Variants in COX10 observed in about 807,000 individuals in gnomAD.
COX10 encodes the protein protoheme IX farnesyltransferase, mitochondrial.
A neutral mutation model predicts 37.3 loss-of-function variants in COX10; 27 were observed. That is an observed-to-expected ratio of 0.72 (90% confidence interval 0.53 to 1.00). The LOEUF is 1.00. Ranked by LOEUF, COX10 falls within the 50% of genes least tolerant of loss-of-function variation. The probability of loss-of-function intolerance (pLI) is 0.00; values close to 1 mark genes in which losing one functional copy is unlikely to be tolerated. For synonymous variants in COX10, 222 were observed against 229.1 expected (o/e 0.97, Z 0.28); for missense variants, 475 against 563.2 (o/e 0.84, Z 1.59).
intron 2 of COX10, 85 bp downstream of exon 2, chr17:14,074,541 G>T: frequency 1.5e-6 from 2 of 1,306,528 alleles, no homozygotes; most frequent in Non-Finnish European, 2.2e-6. Context: ...TTTAATTAAA[G>T]TTTTAAGAAA....
intron 4 of COX10, among the ~76,000 whole-genome samples, chr17:14,138,175 C>T (rs1260081619): frequency 3.3e-5 from 5 of 152,168 alleles, no homozygotes; most frequent in Non-Finnish European, 5.9e-5. Context: ...ATAATACACA[C>T]ATGCACAAAT....
At chr17:14,160,041 A>C in intron 5 of COX10, 94 bp downstream of exon 5, 1 of 1,130,642 alleles carries the variant, frequency 8.8e-7, no homozygotes, top group Non-Finnish European at 1.3e-6. Context: ...TGAGCTGCGA[A>C]GTGGAAATAA....
At chr17:14,105,346 C>T (rs913527649) in intron 4 of COX10, among the ~76,000 whole-genome samples, 1 of 152,136 alleles carries the variant, frequency 6.6e-6, no homozygotes, top group African/African-American at 2.4e-5. Flanking sequence ...CTGCACAGAT[C>T]TCTAATTATT....
intron 4 of COX10, among the ~76,000 whole-genome samples, chr17:14,112,308 T>C (rs1294692336): frequency 1.3e-5 from 2 of 152,182 alleles, no homozygotes; most frequent in Non-Finnish European, 2.9e-5. Flanking sequence ...ATGCAGATTA[T>C]TGATGTTGGG....
chr17:14,130,993 A>G (rs1354723172), intron 4 of COX10, among the ~76,000 whole-genome samples: 1 of 152,144 alleles, frequency 6.6e-6, no homozygotes, highest in Non-Finnish European at 1.5e-5. Context: ...GCTTCCCAGG[A>G]TAAGGCACCT....
At chr17:14,081,397 G>T (rs1353463574) in intron 3 of COX10, among the ~76,000 whole-genome samples, 1 of 152,228 alleles carries the variant, frequency 6.6e-6, no homozygotes, top group Non-Finnish European at 1.5e-5. Context: ...TAGGACCTTA[G>T]CTAGATGAAG....
intron 5 of COX10, among the ~76,000 whole-genome samples, chr17:14,179,914 G>A (rs1905805092): frequency 6.6e-6 from 1 of 151,840 alleles, no homozygotes; most frequent in Non-Finnish European, 1.5e-5. Context: ...TGGAATTGGG[G>A]TCAGTCAATA....
At chr17:14,096,199 G>A (rs1191827662) in intron 3 of COX10, among the ~76,000 whole-genome samples, 3 of 151,870 alleles carry the variant, frequency 2.0e-5, no homozygotes, top group Admixed American at 1.3e-4. Context: ...ATCCATTCAT[G>A]AGGGCTGGGC....
intron 4 of COX10, among the ~76,000 whole-genome samples, chr17:14,154,131 G>T (rs1335536629): frequency 6.6e-6 from 1 of 152,212 alleles, no homozygotes; most frequent in Non-Finnish European, 1.5e-5. Flanking sequence ...TGAGTTGGGT[G>T]GAAGAGGCGG....
At chr17:14,171,106 T>C (rs1481972093) in intron 5 of COX10, among the ~76,000 whole-genome samples, 2 of 152,002 alleles carry the variant, frequency 1.3e-5, no homozygotes, top group East Asian at 3.9e-4. Context: ...GTGTTTCCAT[T>C]ATGATTAAGT....
chr17:14,093,845 A>C (rs80025195), intron 3 of COX10, among the ~76,000 whole-genome samples: 1,850 of 152,316 alleles, frequency 0.012, 33 homozygotes, highest in African/African-American at 0.042. Flanking sequence ...TCATTCCTTC[A>C]GTTAGTGGAA....
intron 4 of COX10, among the ~76,000 whole-genome samples, chr17:14,145,907 C>T (rs9905776): frequency 0.99 from 150,317 of 152,272 alleles, 74,218 homozygotes; most frequent in Middle Eastern, 1. Context: ...TGCCTTCCTC[C>T]GACTTTCTGG....
At chr17:14,123,744 G>A (rs940611158) in intron 4 of COX10, among the ~76,000 whole-genome samples, 4 of 152,182 alleles carry the variant, frequency 2.6e-5, no homozygotes, top group Non-Finnish European at 1.5e-5. Context: ...GTGAGACGGA[G>A]TTAACCAGGG....
At chr17:14,179,077 C>T (rs898461129) in intron 5 of COX10, 1 of 165,728 alleles carries the variant, frequency 6.0e-6, no homozygotes, top group African/African-American at 2.4e-5. Flanking sequence ...ATGTCAAATT[C>T]TTTCTGTGTG....
intron 3 of COX10, among the ~76,000 whole-genome samples, chr17:14,086,591 A>G (rs1001170674): frequency 1.3e-5 from 2 of 152,268 alleles, no homozygotes; most frequent in African/African-American, 4.8e-5. Flanking sequence ...CAGTACATGT[A>G]TTGATAAGTG....
At chr17:14,138,085 T>C (rs1904432189) in intron 4 of COX10, among the ~76,000 whole-genome samples, 1 of 151,822 alleles carries the variant, frequency 6.6e-6, no homozygotes, top group Non-Finnish European at 1.5e-5. Context: ...GGGACACACA[T>C]GAATAAAATT....
intron 5 of COX10, among the ~76,000 whole-genome samples, chr17:14,169,389 T>C (rs1239778172): frequency 1.3e-5 from 2 of 152,198 alleles, no homozygotes; most frequent in Non-Finnish European, 2.9e-5. Context: ...TCCTGTCTTT[T>C]TCTGAGCCCT....
intron 3 of COX10, among the ~76,000 whole-genome samples, chr17:14,080,299 C>T (rs995445666): frequency 6.8e-6 from 1 of 146,216 alleles, no homozygotes. Context: ...TCTCAGCTCA[C>T]TGCAAGCTCC....
chr17:14,132,841 T>C (rs937790583), intron 4 of COX10, among the ~76,000 whole-genome samples: 12 of 151,688 alleles, frequency 7.9e-5, no homozygotes, highest in African/African-American at 2.9e-4. Context: ...AATTAAATAT[T>C]AAGGAAAAAT....
Sources: allele counts gnomAD v4.1 joint callset (sites outside exome capture counted in the v4.1 genomes callset), GRCh38; gene constraint gnomAD v4.1.1; transcripts MANE v1.5; gene names NCBI Gene and HGNC (gene_info 2026-07-23, HGNC 2026-07-21).